PLEKHN1: variants seen among roughly 807,000 people sequenced by gnomAD.
PLEKHN1 encodes pleckstrin homology domain-containing family N member 1.
Under a neutral mutation model 72.8 loss-of-function variants are expected in PLEKHN1, and 68 were observed. The ratio of observed to expected loss-of-function variants is 0.93; its 90% CI spans 0.77 to 1.14. PLEKHN1 has a LOEUF of 1.14. Ranked by LOEUF, PLEKHN1 falls within the 50% of genes most tolerant of loss-of-function variation. PLEKHN1 has a pLI of 0.00. For synonymous variants in PLEKHN1, 454 were observed against 371.6 expected (o/e 1.22, Z -2.55); for missense variants, 1,015 against 840.5 (o/e 1.21, Z -2.57).
intron 8 of PLEKHN1, 44 bp downstream of exon 8, chr1:971,448 T>C (rs1570036934): frequency 6.6e-7 from 1 of 1,508,756 alleles, no homozygotes; most frequent in Non-Finnish European, 9.0e-7. Context: ...GAGGCAGCTG[T>C]GTGGGGGTGG....
intron 14 of PLEKHN1, 64 bp downstream of exon 14, chr1:974,115 G>C: frequency 6.6e-7 from 1 of 1,509,660 alleles, no homozygotes; most frequent in Non-Finnish European, 8.9e-7. Flanking sequence ...CTGGTGTGGG[G>C]CCTCTTGGGA....
At position 969,377 on chromosome 1, in the gene PLEKHN1, A is replaced by G. The variant is rs202066187; in HGVS notation, c.184-900A>G. ...TGTGTGCATGTGTTTGCACGTGTAT[A>G]TGTGTGCACACATCTGTGTGTATAT... On this transcript the variant is annotated intron_variant, in intron 2 of 15. Transcript: ENST00000379410. 7.0e-3 allele frequency among the ~76,000 whole-genome samples: 1,072 copies of G among 152,182 alleles called. 15 individuals carry two copies. The highest frequency in any genetic ancestry group is 0.025 in the African/African-American group (1,034 of 41,526).
At chr1:974,387 G>A in intron 15 of PLEKHN1, 23 bp downstream of exon 15, 1 of 1,613,004 alleles carries the variant, frequency 6.2e-7, no homozygotes, top group Non-Finnish European at 8.5e-7. Context: ...CCTGCCTCCT[G>A]AGGTGAGTGC....
At chr1:969,283 TACCACTAG>T (rs1643155820) in intron 2 of PLEKHN1, among the ~76,000 whole-genome samples, 1 of 152,258 alleles carries the variant, frequency 6.6e-6, no homozygotes, top group Non-Finnish European at 1.5e-5. Flanking sequence ...TCACCATCTC[TACCACTAG>T]ACCAGGCAGC....
intron 2 of PLEKHN1, 148 bp downstream of exon 2, chr1:966,951 C>A (rs1180742778): frequency 4.6e-6 from 4 of 866,804 alleles, no homozygotes; most frequent in Non-Finnish European, 6.8e-6. Flanking sequence ...ACTGCCCCGC[C>A]CTGGGGAGCT....
intron 8 of PLEKHN1, 134 bp from the exon 9 acceptor site, chr1:971,941 C>A: frequency 2.4e-6 from 2 of 848,168 alleles, no homozygotes; most frequent in Non-Finnish European, 1.9e-6. Flanking sequence ...ACTGGCCTCC[C>A]TCAGGGTGGT....
chr1:972,611 CAA>C (rs370586021), intron 10 of PLEKHN1, among the ~76,000 whole-genome samples, 187 bp downstream of exon 10: 1 of 152,004 alleles, frequency 6.6e-6, no homozygotes, highest in African/African-American at 2.4e-5. Context: ...ATTAAAAATA[CAA>C]AAAAATTAGC....
At position 973,210 on chromosome 1, in the gene PLEKHN1, A is replaced by T; in HGVS notation, c.1177A>T (p.Ser393Cys). 1 of 1,537,736 alleles carries T rather than the reference A, an allele frequency of 6.5e-7. No individual in the cohort carries two copies. The highest frequency in any genetic ancestry group is 8.8e-7 in the Non-Finnish European group (1 of 1,137,024). The change falls in exon 12 of 16, where the codon AGC (serine) becomes TGC (cysteine). Residue 393 changes from serine to cysteine, a missense_variant. Coordinates refer to ENST00000379410, the MANE Select transcript of PLEKHN1 (RefSeq NM_032129.3). ...TPDQANSDRA[S>C]IGRRRTELRR... The stretch of plus-strand genomic sequence containing the variant: ...GGACCAGGCCAACTCTGACCGTGCC[A>T]GCATTGGCCGACGGAGGACCGAGCT...
At chr1:971,518 GC>G in intron 8 of PLEKHN1, 114 bp downstream of exon 8, 1 of 1,030,788 alleles carries the variant, frequency 9.7e-7, no homozygotes, top group Non-Finnish European at 1.5e-6. Context: ...AGAGCGCAGG[GC>G]CCTGCCCACC....
In PLEKHN1 at chr1:970,512, C is replaced by G. The variant is rs373776412; in HGVS notation, c.331-9C>G. On this transcript the variant is annotated splice_polypyrimidine_tract_variant and intron_variant, in intron 3 of 15. Coordinates refer to ENST00000379410, the MANE Select transcript of PLEKHN1 (RefSeq NM_032129.3). The surrounding 1 kb of genome is among the most constrained non-coding windows in gnomAD (Gnocchi z 4.2). ...AGACTCCGCACTGACGACCCTGCTC[C>G]CCGCGCAGGATGTCAGCGACTGCTA... The G allele has an allele frequency of 5.8e-5, 93 of 1,613,138 alleles. No individual in the cohort carries two copies. In the African/African-American group the frequency reaches 8.0e-4, roughly 14 times the overall value.
At chr1:973,462 T>A (rs1643445936) in intron 12 of PLEKHN1, 38 bp from the exon 13 acceptor site, 1 of 1,606,004 alleles carries the variant, frequency 6.2e-7, no homozygotes, top group African/African-American at 1.3e-5. Context: ...AGGCTGTTTC[T>A]AGCCGAGAAG....
intron 2 of PLEKHN1, among the ~76,000 whole-genome samples, 176 bp downstream of exon 2, chr1:966,979 G>A (rs1643027626): frequency 6.6e-6 from 1 of 152,242 alleles, no homozygotes. Context: ...CCGAAAGTCT[G>A]AGCGGAGAGC....
At position 970,577 on chromosome 1, in the gene PLEKHN1, C is replaced by T. The variant is rs143179845; in HGVS notation, c.387C>T (p.His129=). The change falls in exon 4 of 16, where the codon CAC becomes CAT. Residue 129 remains histidine, a synonymous_variant. Coordinates refer to ENST00000379410, the MANE Select transcript of PLEKHN1 (RefSeq NM_032129.3). This position sits in a 1 kb window ranked among gnomAD's most constrained non-coding sequence, Gnocchi z 4.2. ...CCGCCCACCTGTACTTCCAGGCCCA[C>T]GGCTCGGAAGGACTCACATTTCAGG... The part of the protein sequence containing the change: ...LFPAHLYFQA[H]GSEGLTFQGL... 1.3e-4 allele frequency: 206 copies of T among 1,612,812 alleles called. No homozygotes were observed. Among genetic ancestry groups the T allele is most frequent in the East Asian group, 4.0e-4 (18 of 44,872 alleles).
In PLEKHN1 at chr1:972,145, T is replaced by A; in HGVS notation, c.860T>A (p.Ile287Asn). The stretch of plus-strand genomic sequence containing the variant: ...GAGAAGCAGATCCGCTCCTTCCTGA[T>A]TGAAGGTAGGGCCCTGACCCTGGTT... ...EKEKQIRSFLIEGPLINTIRV... is the reference protein window; with the variant it reads ...EKEKQIRSFLNEGPLINTIRV... The change falls in exon 9 of 16, where the codon ATT (isoleucine) becomes AAT (asparagine). Residue 287 changes from isoleucine (I) to asparagine (N), a missense_variant. By Grantham distance (149) the Ile-to-Asn change is moderately radical. Transcript: ENST00000379410. The A allele has an allele frequency of 6.2e-7, 1 of 1,612,928 alleles. No homozygotes were observed. Among genetic ancestry groups the A allele is most frequent in the Non-Finnish European group, 8.5e-7 (1 of 1,179,808 alleles).
In PLEKHN1 at chr1:973,907, T is replaced by C; in HGVS notation, c.1509T>C (p.Pro503=). 1 of 1,611,484 alleles carries C rather than the reference T, an allele frequency of 6.2e-7. No individual in the cohort carries two copies. Among genetic ancestry groups the C allele is most frequent in the African/African-American group, 1.3e-5 (1 of 75,014 alleles). Residue 503 remains proline (P), a synonymous_variant, in exon 14 of 16, where the codon CCT becomes CCC. Transcript: ENST00000379410. ...SPLPSVPVSV[P]ASDPRSCSSG... ...TCCCCTCGGTGCCTGTGTCTGTGCC[T>C]GCCTCTGACCCTCGCTCCTGCTCCT...
intron 14 of PLEKHN1, 64 bp from the exon 15 acceptor site, chr1:974,252 G>GC (rs1643501223): frequency 6.2e-7 from 1 of 1,608,502 alleles, no homozygotes; most frequent in Non-Finnish European, 8.5e-7. Flanking sequence ...ACAGTGACAG[G>GC]CCGCCTCCAA....
intron 2 of PLEKHN1, 35 bp downstream of exon 2, chr1:966,838 A>T: frequency 6.5e-7 from 1 of 1,527,682 alleles, no homozygotes; most frequent in Non-Finnish European, 8.8e-7. Flanking sequence ...GTGGTCTGGG[A>T]GCGTGGCTCT....
Position 972,303 on chromosome 1 carries a change from C to G in PLEKHN1, c.881C>G (p.Thr294Ser), listed in dbSNP as rs1349994399. The change falls in exon 10 of 16, where the codon ACC (threonine) becomes AGC (serine). Residue 294 changes from threonine (T) to serine (S), a missense_variant. Thr to Ser is a moderately conservative substitution (Grantham distance 58). Coordinates refer to ENST00000379410, the MANE Select transcript of PLEKHN1 (RefSeq NM_032129.3). ...TGTATGCCAGGCCCCCTCATCAACA[C>G]CATCCGCGTGGTGTGCGCCAGCTAC... ...SFLIEGPLIN[T>S]IRVVCASYED... 1 of 1,612,232 alleles carries G rather than the reference C, an allele frequency of 6.2e-7. No homozygotes were observed. Among genetic ancestry groups the G allele is most frequent in the Non-Finnish European group, 8.5e-7 (1 of 1,179,580 alleles).
Position 971,193 on chromosome 1 carries a change from G to C in PLEKHN1, c.693G>C (p.Gln231His). The C allele has an allele frequency of 6.3e-7, 1 of 1,580,838 alleles. No homozygotes were observed. The highest frequency in any genetic ancestry group is 8.6e-7 in the Non-Finnish European group (1 of 1,163,884). Residue 231 changes from glutamine (Q) to histidine (H), a missense_variant, in exon 7 of 16, where the codon CAG (glutamine) becomes CAC (histidine). Transcript: ENST00000379410. ...TCTGTGCCTCGAGGGTCAAGCTGCA[G>C]CACCTGCCCGCACAGGTGGGTGGGA... ...SAVCASRVKL[Q>H]HLPAQEQWDR...
Sources: allele counts gnomAD v4.1 joint callset (sites outside exome capture counted in the v4.1 genomes callset), GRCh38; gene constraint gnomAD v4.1.1; non-coding constraint Gnocchi (gnomAD v3.1); transcripts MANE v1.5; gene names NCBI Gene and HGNC (gene_info 2026-07-23, HGNC 2026-07-21).